The following SLCO1A2 variants were observed in gnomAD, a reference collection of about 807,000 sequenced individuals.
The protein encoded by SLCO1A2 is solute carrier organic anion transporter family member 1A2.
Under a neutral mutation model 69.0 loss-of-function variants are expected in SLCO1A2, and 67 were observed. The observed-to-expected ratio is 0.97, with a 90% CI of 0.80 to 1.19. The LOEUF (loss-of-function observed/expected upper bound fraction) is 1.19, where lower values mean the gene tolerates loss of function less well. SLCO1A2 is among the 50% of genes most tolerant of loss of function. The probability of loss-of-function intolerance (pLI) is 0.00; values close to 1 mark genes in which losing one functional copy is unlikely to be tolerated. For missense variants in SLCO1A2, 787 were observed against 793.7 expected (o/e 0.99, Z 0.10); for synonymous variants, 260 against 265.9 (o/e 0.98, Z 0.22).
chr12:21,371,711 CA>C (rs1284043430), intron 2 of SLCO1A2, among the ~76,000 whole-genome samples: 1 of 151,812 alleles, frequency 6.6e-6, no homozygotes, highest in Non-Finnish European at 1.5e-5. Flanking sequence ...TTTAGAAATA[CA>C]AAAAAAGAGG....
chr12:21,355,620 G>A (rs955993044), intron 2 of SLCO1A2, among the ~76,000 whole-genome samples: 1 of 152,130 alleles, frequency 6.6e-6, no homozygotes, highest in Admixed American at 6.5e-5. Flanking sequence ...AGGGAATTCT[G>A]TATAGTGGCA....
intron 1 of SLCO1A2, among the ~76,000 whole-genome samples, chr12:21,382,857 C>G (rs1316551780): frequency 6.6e-6 from 1 of 151,592 alleles, no homozygotes; most frequent in African/African-American, 2.4e-5. Flanking sequence ...GCTGACTTAT[C>G]TAAGATCACA....
Position 21,340,735 on chromosome 12 carries a change from G to A in SLCO1A2, c.-62-6026C>T, listed in dbSNP as rs1274547854. On this transcript the variant is annotated intron_variant, in intron 2 of 15. Transcript: ENST00000307378. ...GTAAAATTGACACTTTGGACTCCAC[G>A]TGCAATACTTGTCTGTCTCGGGTTT... 3.3e-5 allele frequency among the ~76,000 whole-genome samples: 5 copies of A among 151,786 alleles called. No homozygotes were observed. The East Asian group carries it at 5.8e-4, about 18-fold the overall frequency.
rs1591841362 is a variant in SLCO1A2 at position 21,321,620 on chromosome 12, G to T, written c.61-2697C>A. 2.0e-5 allele frequency among the ~76,000 whole-genome samples: 3 copies of T among 152,206 alleles called. No individual in the cohort carries two copies. In the South Asian group the frequency reaches 6.2e-4, roughly 31 times the overall value. ...CTCCTGTTGCTTGTCCTTAGACACA[G>T]TGTTCTACATGTAGCTGTGTTAATT... On this transcript the variant is annotated intron_variant, in intron 2 of 14. Transcript: ENST00000683939.
chr12:21,353,023 A>G (rs1938081759), intron 2 of SLCO1A2, among the ~76,000 whole-genome samples: 1 of 152,220 alleles, frequency 6.6e-6, no homozygotes, highest in Non-Finnish European at 1.5e-5. Context: ...GCTACAACAA[A>G]ATAACAGAAT....
In SLCO1A2 at chr12:21,269,695, A is replaced by G; in HGVS notation, c.1866T>C (p.Leu622=). The G allele has an allele frequency of 2.5e-6, 4 of 1,612,722 alleles. No individual in the cohort carries two copies. The highest frequency in any genetic ancestry group is 3.4e-6 in the Non-Finnish European group (4 of 1,179,084). The change falls in exon 15 of 15, where the codon CTT becomes CTC. Residue 622 remains leucine, a synonymous_variant. Transcript: ENST00000683939. ...CACCAGGTAGATGACACTTCCTCAAAAGAATTAAGATGATTAAGGCTGGAA... is the reference window on the plus strand; with the variant it reads ...CACCAGGTAGATGACACTTCCTCAAGAGAATTAAGATGATTAAGGCTGGAA... ...SFVPALIILI[L]LRKCHLPGEN... is the part of the protein sequence containing the mutation.
chr12:21,364,930 G>A (rs1039180788), intron 2 of SLCO1A2, among the ~76,000 whole-genome samples: 6 of 152,238 alleles, frequency 3.9e-5, no homozygotes, highest in East Asian at 1.9e-4. Flanking sequence ...TTTCATGCTC[G>A]TGGATAGGAA....
intron 12 of SLCO1A2, among the ~76,000 whole-genome samples, chr12:21,288,011 T>TAAAAA (rs59000175): frequency 1.6e-4 from 16 of 102,820 alleles, no homozygotes; most frequent in South Asian, 2.9e-4. Context: ...TAAAGTATAA[T>TAAAAA]AAAAAAAAAA....
chr12:21,359,805 AAAG>A (rs1938681159), intron 2 of SLCO1A2, among the ~76,000 whole-genome samples: 1 of 152,228 alleles, frequency 6.6e-6, no homozygotes, highest in South Asian at 2.1e-4. Context: ...AAACAAGAGA[AAAG>A]AAGAAGCATG....
At chr12:21,362,925 G>T (rs578016107) in intron 2 of SLCO1A2, among the ~76,000 whole-genome samples, 31 of 152,270 alleles carry the variant, frequency 2.0e-4, no homozygotes, top group African/African-American at 6.7e-4. Context: ...AAGAGACTTA[G>T]ACTCCCACAC....
chr12:21,269,705 A>ATGAT lies in SLCO1A2; in HGVS notation c.1852_1855dup (p.Ile619AsnfsTer14). 1 of 1,612,710 alleles carries ATGAT rather than the reference A, an allele frequency of 6.2e-7. No individual in the cohort carries two copies. The highest frequency in any genetic ancestry group is 8.5e-7 in the Non-Finnish European group (1 of 1,179,024). ...ATGACACTTCCTCAAAAGAATTAAGATGATTAAGGCTGGAACAAAGCTTGA... is the reference window on the plus strand; with the variant it reads ...ATGACACTTCCTCAAAAGAATTAAGATGATTGATTAAGGCTGGAACAAAGCTTGA... On this transcript the variant is annotated frameshift_variant, in exon 15 of 15. Transcript: ENST00000683939. LOFTEE classifies it low-confidence loss of function (END_TRUNC).
intron 13 of SLCO1A2, 54 bp downstream of exon 13, chr12:21,275,306 A>T: frequency 7.3e-7 from 1 of 1,377,272 alleles, no homozygotes; most frequent in South Asian, 1.5e-5. Context: ...GTAATAAAAA[A>T]TAATAATAAT....
In SLCO1A2 at chr12:21,295,765, A is replaced by G. The variant is rs747811639; in HGVS notation, c.1103T>C (p.Ile368Thr). ...AATTAAACCACCAATTATATATCCA[A>G]TACATATTGGAGGTAAGTTATAAAT... Reference protein sequence around the residue: ...MGIYNLPPICIGYIIGGLIMK... With the variant: ...MGIYNLPPICTGYIIGGLIMK... Residue 368 changes from isoleucine (I) to threonine (T), a missense_variant, in exon 10 of 15, where the codon ATT becomes ACT. Coordinates refer to ENST00000683939, the MANE Select transcript of SLCO1A2 (RefSeq NM_001386879.1). The G allele has an allele frequency of 3.8e-6, 6 of 1,580,714 alleles. No homozygotes were observed. The highest frequency in any genetic ancestry group is 2.7e-5 in the African/African-American group (2 of 74,176).
At chr12:21,317,651 G>A (rs1229778433) in intron 3 of SLCO1A2, among the ~76,000 whole-genome samples, 1 of 152,144 alleles carries the variant, frequency 6.6e-6, no homozygotes. Context: ...CAGCACACAG[G>A]TGATACAGGC....
intron 14 of SLCO1A2, among the ~76,000 whole-genome samples, chr12:21,273,736 A>C (rs944011009): frequency 6.6e-6 from 1 of 152,172 alleles, no homozygotes; most frequent in Non-Finnish European, 1.5e-5. Context: ...AAAGGGGAAT[A>C]GATGCAGAGA....
intron 14 of SLCO1A2, 53 bp downstream of exon 14, chr12:21,274,416 G>A (rs965424950): frequency 2.6e-5 from 31 of 1,183,488 alleles, no homozygotes; most frequent in South Asian, 8.6e-5. Flanking sequence ...ATGGTGCTGC[G>A]TTATGCACAG....
In SLCO1A2 at chr12:21,319,364, C is replaced by T. The variant is rs373430974; in HGVS notation, c.61-441G>A. 5 of 1,367,940 alleles carry T rather than the reference C, an allele frequency of 3.7e-6. No individual in the cohort carries two copies. The African/African-American group carries it at 5.9e-5, about 16-fold the overall frequency. The allele number at this position is 1,367,940 out of a possible 1,614,324, so 84.7% of individuals were successfully genotyped here. On this transcript the variant is annotated intron_variant, in intron 2 of 14. Transcript: ENST00000683939. ...TTCTCTCTGCAGGACAATAGGTCCC[C>T]AGATTACCTTGGCCGACTCCACTCT...
chr12:21,412,058 T>C (rs925544033), intron 1 of SLCO1A2, among the ~76,000 whole-genome samples: 1 of 152,176 alleles, frequency 6.6e-6, no homozygotes, highest in Middle Eastern at 3.2e-3. Flanking sequence ...ATTATAATGT[T>C]ACCTATAGAG....
chr12:21,387,095 T>C (rs1033369661), intron 1 of SLCO1A2, among the ~76,000 whole-genome samples: 1 of 152,164 alleles, frequency 6.6e-6, no homozygotes, highest in East Asian at 1.9e-4. Flanking sequence ...TAGAGAATTT[T>C]GAACTTGAGA....
Sources: gnomAD v4.1 joint callset for allele counts (sites outside exome capture counted in the v4.1 genomes callset) on GRCh38, gnomAD v4.1.1 for gene constraint, MANE v1.5 for transcripts, NCBI Gene and HGNC (gene_info 2026-07-23, HGNC 2026-07-21) for gene names.